Variants in MBP observed in about 807,000 individuals in gnomAD.
The protein encoded by MBP is Golli-MBP.
MBP carries 16 observed loss-of-function variants against 35.8 expected under a neutral mutation model. That is an observed-to-expected ratio of 0.45 (90% confidence interval 0.30 to 0.68). MBP has a LOEUF of 0.68. Among genes scored for constraint, MBP ranks in the 30% least tolerant of loss-of-function variants. MBP has a pLI of 0.08. For missense variants in MBP, 380 were observed against 404.7 expected, an observed-to-expected ratio of 0.94 and a Z score of 0.52; for synonymous variants, 143 against 159.6, an observed-to-expected ratio of 0.90 and a Z score of 0.78.
chr18:77,006,748 G>T (rs1971003912), intron 4 of MBP: 1 of 152,140 alleles, frequency 6.6e-6, no homozygotes, highest in Non-Finnish European at 1.5e-5. Context: ...GGGAGTCAGG[G>T]AGCTCGGAGC....
intron 1 of MBP, among the ~76,000 whole-genome samples, chr18:77,107,646 G>T (rs1976321426): frequency 1.3e-5 from 2 of 152,182 alleles, no homozygotes; most frequent in Admixed American, 1.3e-4. Flanking sequence ...GAGGGGCCAT[G>T]TTTCTTCCGA....
At chr18:77,064,389 A>C (rs1974104678) in intron 3 of MBP, among the ~76,000 whole-genome samples, 1 of 152,208 alleles carries the variant, frequency 6.6e-6, no homozygotes, top group South Asian at 2.1e-4. Context: ...AGTTATGCTC[A>C]GACATGCCTC....
At chr18:77,094,961 A>G (rs1220466908) in intron 2 of MBP, among the ~76,000 whole-genome samples, 1 of 152,254 alleles carries the variant, frequency 6.6e-6, no homozygotes, top group Non-Finnish European at 1.5e-5. Context: ...ATTATGGCAG[A>G]ACATCCCACT....
rs1293067002 is a variant in MBP at position 77,020,970 on chromosome 18, A to C, written c.140-3702T>G. Among the ~76,000 whole-genome samples the C allele has an allele frequency of 6.6e-6, 1 of 152,214 alleles. No individual in the cohort carries two copies. The highest frequency in any genetic ancestry group is 1.5e-5 in the Non-Finnish European group (1 of 68,046). On this transcript the variant is annotated intron_variant, in intron 3 of 8. Coordinates refer to ENST00000355994, the MANE Select transcript of MBP (RefSeq NM_001025101.2). The surrounding 1 kb of genome is among the most constrained non-coding windows in gnomAD (Gnocchi z 4.1). Reference sequence around the variant, plus strand: ...ATGTTTCTCATGTGGTTTGGTTCACACTAAAAATACTTTGAGGGCATTTCT... The same window carrying C: ...ATGTTTCTCATGTGGTTTGGTTCACCCTAAAAATACTTTGAGGGCATTTCT...
At chr18:77,072,249 G>A (rs1296132793) in intron 2 of MBP, among the ~76,000 whole-genome samples, 1 of 152,038 alleles carries the variant, frequency 6.6e-6, no homozygotes, top group African/African-American at 2.4e-5. Flanking sequence ...CACATATTTT[G>A]AGCCTTAGGT....
chr18:77,089,800 T>G, intron 2 of MBP, among the ~76,000 whole-genome samples: 1 of 152,220 alleles, frequency 6.6e-6, no homozygotes, highest in East Asian at 1.9e-4. Context: ...TGCATCTGCC[T>G]GAAATATCTG....
intron 4 of MBP, among the ~76,000 whole-genome samples, chr18:77,012,256 C>T (rs913493762): frequency 6.6e-5 from 10 of 151,348 alleles, no homozygotes; most frequent in African/African-American, 1.2e-4. Flanking sequence ...GTTCCCATGA[C>T]CCCCGTTGTG....
At position 76,988,444 on chromosome 18, in the gene MBP, G is replaced by A. The variant is rs369366310; in HGVS notation, c.750+51C>T. 11 of 1,614,122 alleles carry A rather than the reference G, an allele frequency of 6.8e-6. No homozygotes were observed. The highest frequency in any genetic ancestry group is 1.6e-4 in the Middle Eastern group (1 of 6,084). Reference sequence around the variant, plus strand: ...AGCAGAACACAAAAGTTGCGGGGCTGTGAGGACTGGGACGGAAGAGGAAGC... The same window carrying A: ...AGCAGAACACAAAAGTTGCGGGGCTATGAGGACTGGGACGGAAGAGGAAGC... On this transcript the variant is annotated intron_variant, in intron 7 of 8. Transcript: ENST00000355994. The surrounding 1 kb of genome is among the most constrained non-coding windows in gnomAD (Gnocchi z 5.2).
chr18:76,984,826 C>T lies in MBP; in HGVS notation c.819G>A (p.Lys273=), dbSNP rs761219065. The change falls in exon 8 of 9, where the codon AAG becomes AAA. Residue 273 remains lysine (K), a synonymous_variant. Transcript: ENST00000355994. ...CCTGGGCATCGACTCCCTTGAATCC[C>T]TTGTGAGCCGATTTATAGTCGGACG... ...GRASDYKSAH[K]GFKGVDAQGT... is the part of the protein sequence containing the mutation. The T allele has an allele frequency of 1.2e-6, 2 of 1,614,124 alleles. No individual in the cohort carries two copies. The highest frequency in any genetic ancestry group is 1.1e-5 in the South Asian group (1 of 91,082).
chr18:77,054,787 C>T (rs528727472), intron 3 of MBP, among the ~76,000 whole-genome samples: 26 of 152,084 alleles, frequency 1.7e-4, no homozygotes, highest in South Asian at 1.0e-3. Flanking sequence ...CTGTTAGCGG[C>T]GGGTGACGTC....
chr18:77,059,987 C>G (rs146059837), intron 3 of MBP, among the ~76,000 whole-genome samples: 48 of 152,264 alleles, frequency 3.2e-4, no homozygotes, highest in African/African-American at 9.9e-4. Flanking sequence ...CCAGGCAAGA[C>G]GGAATAGACT....
intron 2 of MBP, among the ~76,000 whole-genome samples, chr18:77,069,548 T>C (rs1974345483): frequency 6.6e-6 from 1 of 152,174 alleles, no homozygotes; most frequent in Non-Finnish European, 1.5e-5. Context: ...CCCATTGGCG[T>C]GGGAAGCCCT....
At chr18:77,111,902 C>G (rs968443880) in intron 1 of MBP, among the ~76,000 whole-genome samples, 1 of 152,140 alleles carries the variant, frequency 6.6e-6, no homozygotes, top group Non-Finnish European at 1.5e-5. Flanking sequence ...TAAAATAAAA[C>G]CAAAGATATC....
chr18:77,058,321 C>T (rs967390812), intron 3 of MBP, among the ~76,000 whole-genome samples: 8 of 152,194 alleles, frequency 5.3e-5, no homozygotes, highest in African/African-American at 1.9e-4. Flanking sequence ...TCTCAGGACC[C>T]ACCTGGGACC....
At chr18:76,984,986 G>A (rs12953573) in intron 7 of MBP, 92 bp from the exon 8 acceptor site, 1 of 1,573,206 alleles carries the variant, frequency 6.4e-7, no homozygotes, top group Non-Finnish European at 8.6e-7. Flanking sequence ...CCCCGGGGAA[G>A]GGCCCAGGCC....
At chr18:77,022,786 T>G (rs1218911821) in intron 3 of MBP, among the ~76,000 whole-genome samples, 2 of 152,182 alleles carry the variant, frequency 1.3e-5, no homozygotes, top group Non-Finnish European at 2.9e-5. Flanking sequence ...AGAAGGGCAT[T>G]TTTGTCCCCA....
chr18:76,993,446 G>A (rs558857339), intron 4 of MBP, among the ~76,000 whole-genome samples: 1 of 151,922 alleles, frequency 6.6e-6, no homozygotes, highest in East Asian at 1.9e-4. Context: ...CAGCTTCAGG[G>A]GGCTGAGGCA....
chr18:76,998,675 T>G (rs1203056773), intron 4 of MBP, among the ~76,000 whole-genome samples: 1 of 152,136 alleles, frequency 6.6e-6, no homozygotes, highest in East Asian at 1.9e-4. Context: ...AAGGTCGACG[T>G]GCATTTACAT....
In MBP at chr18:77,028,626, C is replaced by A. The variant is rs566747382; in HGVS notation, c.140-11358G>T. On this transcript the variant is annotated intron_variant, in intron 3 of 8. Coordinates refer to ENST00000355994, the MANE Select transcript of MBP (RefSeq NM_001025101.2). ...CGGCTGGCCGGGCGGGGGGCTGACC[C>A]CCCCCCACCTCCCTCCCGGACGGGG... is the stretch of plus-strand genomic sequence containing the variant. 1.8e-4 allele frequency among the ~76,000 whole-genome samples: 13 copies of A among 71,148 alleles called. 2 individuals carry two copies. The East Asian group carries it at 3.1e-3, about 17-fold the overall frequency. 46.7% of individuals were successfully genotyped at this position (71,148 alleles called of 152,430 possible).
Sources: gnomAD v4.1 joint callset for allele counts (sites outside exome capture counted in the v4.1 genomes callset) on GRCh38, gnomAD v4.1.1 for gene constraint, Gnocchi (gnomAD v3.1) non-coding constraint, MANE v1.5 for transcripts, NCBI Gene and HGNC (gene_info 2026-07-23, HGNC 2026-07-21) for gene names.